Variants in SGCZ observed in about 807,000 individuals in gnomAD.
SGCZ encodes zeta-sarcoglycan.
In SGCZ, 40 loss-of-function variants were observed where a neutral mutation model predicts 41.3. That is an observed-to-expected ratio of 0.97 (90% CI 0.75 to 1.26). SGCZ has a LOEUF of 1.26. Among genes scored for constraint, SGCZ ranks in the 50% most tolerant of loss-of-function variants. SGCZ has a pLI of 0.00. For synonymous variants in SGCZ, 206 were observed against 137.5 expected, an observed-to-expected ratio of 1.50 and a Z score of -3.49; for missense variants, 552 against 369.8, an observed-to-expected ratio of 1.49 and a Z score of -4.04.
chr8:14,642,184 C>T (rs1377146730), intron 1 of SGCZ, among the ~76,000 whole-genome samples: 1 of 151,596 alleles, frequency 6.6e-6, no homozygotes, highest in Non-Finnish European at 1.5e-5. Flanking sequence ...TGAATATTTC[C>T]TTGTCCTCTT....
chr8:14,133,008 A>T (rs1240484985), intron 5 of SGCZ, among the ~76,000 whole-genome samples: 3 of 151,960 alleles, frequency 2.0e-5, no homozygotes, highest in Non-Finnish European at 4.4e-5. Context: ...CTGTAACAAT[A>T]AAAAAAACAA....
chr8:14,623,296 G>T (rs1585133119), intron 1 of SGCZ, among the ~76,000 whole-genome samples: 1 of 152,236 alleles, frequency 6.6e-6, no homozygotes, highest in East Asian at 1.9e-4. Context: ...ACATTAGTTT[G>T]CACCAAAACA....
Position 14,373,695 on chromosome 8 carries a change from G to A in SGCZ, c.235-49491C>T, listed in dbSNP as rs979771192. ...ATGATTTGAAAAAATCAATTTTGGT[G>A]GAATGCTGGGGGCAAAAGATAGAAC... On this transcript the variant is annotated intron_variant, in intron 2 of 7. Coordinates refer to ENST00000382080, the MANE Select transcript of SGCZ (RefSeq NM_139167.4). 4.6e-5 allele frequency among the ~76,000 whole-genome samples: 7 copies of A among 152,286 alleles called. No homozygotes were observed. In the South Asian group the frequency reaches 6.2e-4, roughly 14 times the overall value.
At chr8:14,377,045 C>A (rs918205827) in intron 2 of SGCZ, among the ~76,000 whole-genome samples, 1 of 152,254 alleles carries the variant, frequency 6.6e-6, no homozygotes, top group Middle Eastern at 3.4e-3. Context: ...CATATCTGAG[C>A]TCATGATAAG....
At chr8:14,314,760 C>T (rs2117008542) in intron 3 of SGCZ, among the ~76,000 whole-genome samples, 1 of 152,144 alleles carries the variant, frequency 6.6e-6, no homozygotes, top group South Asian at 2.1e-4. Context: ...ACATATTTTC[C>T]TCAGCTTTTA....
intron 2 of SGCZ, chr8:14,487,944 T>C (rs1801724196): frequency 7.5e-6 from 1 of 132,552 alleles, no homozygotes. Context: ...TGTTTTATCT[T>C]TTCTTTCAGG....
intron 3 of SGCZ, among the ~76,000 whole-genome samples, chr8:14,274,389 T>C (rs1008421178): frequency 4.6e-5 from 7 of 152,310 alleles, no homozygotes; most frequent in African/African-American, 1.7e-4. Flanking sequence ...ATATTTCACC[T>C]TACTAAGCTG....
intron 1 of SGCZ, among the ~76,000 whole-genome samples, chr8:14,938,132 G>C (rs77110078): frequency 6.6e-6 from 1 of 152,116 alleles, no homozygotes; most frequent in East Asian, 1.9e-4. Context: ...GTTGTTCACT[G>C]TTTTATATTG....
At chr8:14,723,825 T>A (rs1002913795) in intron 1 of SGCZ, among the ~76,000 whole-genome samples, 14 of 152,204 alleles carry the variant, frequency 9.2e-5, no homozygotes, top group Middle Eastern at 3.4e-3. Flanking sequence ...ACTTTTCTAA[T>A]TGCAGCAAAC....
At chr8:14,926,923 G>C (rs1382383162) in intron 1 of SGCZ, among the ~76,000 whole-genome samples, 1 of 152,058 alleles carries the variant, frequency 6.6e-6, no homozygotes, top group East Asian at 1.9e-4. Context: ...ACAGGCGTGA[G>C]TCACCACACC....
intron 1 of SGCZ, among the ~76,000 whole-genome samples, chr8:14,993,445 G>A (rs1449073150): frequency 6.6e-6 from 1 of 151,928 alleles, no homozygotes; most frequent in Non-Finnish European, 1.5e-5. Context: ...CTGATATTCT[G>A]GTACTATCAA....
chr8:14,427,972 C>T (rs903635743), intron 2 of SGCZ, among the ~76,000 whole-genome samples: 1 of 151,950 alleles, frequency 6.6e-6, no homozygotes, highest in African/African-American at 2.4e-5. Flanking sequence ...TTAAAGTATA[C>T]AGGAGGATGT....
chr8:14,539,319 T>C (rs1459951653), intron 2 of SGCZ, among the ~76,000 whole-genome samples: 1 of 151,880 alleles, frequency 6.6e-6, no homozygotes, highest in Admixed American at 6.6e-5. Flanking sequence ...ATACATCCTA[T>C]TGCTTCTGTT....
intron 2 of SGCZ, among the ~76,000 whole-genome samples, chr8:14,438,374 C>G (rs1800151655): frequency 6.6e-6 from 1 of 151,906 alleles, no homozygotes; most frequent in Admixed American, 6.6e-5. Flanking sequence ...ACATGTTGGT[C>G]TTAGACGTCA....
chr8:14,213,867 C>G (rs187340992), intron 4 of SGCZ, among the ~76,000 whole-genome samples: 2 of 152,004 alleles, frequency 1.3e-5, no homozygotes, highest in African/African-American at 4.8e-5. Context: ...TTGTGAAAAA[C>G]GTAATATATG....
At chr8:14,594,839 T>G (rs1016192163) in intron 1 of SGCZ, among the ~76,000 whole-genome samples, 7 of 151,578 alleles carry the variant, frequency 4.6e-5, no homozygotes, top group African/African-American at 1.7e-4. Flanking sequence ...ACGTTTTCCT[T>G]AAAAATTTTT....
At chr8:14,196,298 T>G (rs1805265252) in intron 4 of SGCZ, among the ~76,000 whole-genome samples, 1 of 151,822 alleles carries the variant, frequency 6.6e-6, no homozygotes, top group South Asian at 2.1e-4. Flanking sequence ...AGTTTCGCTC[T>G]TGTTGCCCAG....
chr8:15,160,434 C>T (rs1013828606), intron 1 of SGCZ, among the ~76,000 whole-genome samples: 1 of 152,122 alleles, frequency 6.6e-6, no homozygotes. Context: ...CTGTGAATAA[C>T]GCTGCTATGA....
intron 1 of SGCZ, among the ~76,000 whole-genome samples, chr8:15,071,062 GT>G (rs1250579942): frequency 1.3e-5 from 2 of 152,068 alleles, no homozygotes; most frequent in Non-Finnish European, 2.9e-5. Flanking sequence ...CATGAATGCT[GT>G]TTTATTTTTC....
Sources: allele counts gnomAD v4.1 joint callset (sites outside exome capture counted in the v4.1 genomes callset), GRCh38; gene constraint gnomAD v4.1.1; transcripts MANE v1.5; gene names NCBI Gene and HGNC (gene_info 2026-07-23, HGNC 2026-07-21).